Variants in CPEB2 observed in about 807,000 individuals in gnomAD.
CPEB2 encodes cytoplasmic polyadenylation element-binding protein 2.
A neutral mutation model predicts 93.6 loss-of-function variants in CPEB2; 56 were observed. The ratio of observed to expected loss-of-function variants is 0.60; its 90% confidence interval spans 0.48 to 0.75. CPEB2 has a LOEUF of 0.75. CPEB2 is among the 30% of genes least tolerant of loss of function. The probability of loss-of-function intolerance (pLI) is 0.00; values close to 1 mark genes in which losing one functional copy is unlikely to be tolerated. For missense variants in CPEB2, 1,579 were observed against 1,395.1 expected (o/e 1.13, Z -2.10); for synonymous variants, 764 against 586.3 (o/e 1.30, Z -4.38).
At chr4:15,055,345 G>T (rs931334308) in intron 8 of CPEB2, among the ~76,000 whole-genome samples, 2 of 152,140 alleles carry the variant, frequency 1.3e-5, no homozygotes, top group African/African-American at 4.8e-5. Context: ...TTCATTGGAG[G>T]TCACAAAACC....
chr4:15,025,384 T>C (rs193009391), intron 4 of CPEB2, among the ~76,000 whole-genome samples: 66 of 151,974 alleles, frequency 4.3e-4, no homozygotes, highest in African/African-American at 1.5e-3. Context: ...GTTTGTGTTC[T>C]CTTTTTTTCT....
intron 6 of CPEB2, among the ~76,000 whole-genome samples, chr4:15,051,704 A>G (rs1303335384): frequency 6.6e-6 from 1 of 152,198 alleles, no homozygotes; most frequent in Non-Finnish European, 1.5e-5. Context: ...TTATCTTTCT[A>G]AATGTACATT....
At chr4:15,006,736 A>C (rs562129114) in intron 1 of CPEB2, among the ~76,000 whole-genome samples, 1 of 152,244 alleles carries the variant, frequency 6.6e-6, no homozygotes, top group Non-Finnish European at 1.5e-5. Flanking sequence ...ACAGTTAAAT[A>C]AACAATGCAG....
chr4:15,058,171 T>G (rs1374003460), intron 8 of CPEB2, among the ~76,000 whole-genome samples: 1 of 152,226 alleles, frequency 6.6e-6, no homozygotes, highest in Non-Finnish European at 1.5e-5. Context: ...AATCAAATAC[T>G]AATGCATGTA....
Position 15,004,015 on chromosome 4 carries a change from G to C in CPEB2, c.1342G>C (p.Gly448Arg). 2 of 1,553,542 alleles carry C rather than the reference G, an allele frequency of 1.3e-6. No individual in the cohort carries two copies. Among genetic ancestry groups the C allele is most frequent in the Non-Finnish European group, 1.7e-6 (2 of 1,152,696 alleles). ...GCCGCCCAGCCCCGACTCAGAGAAC[G>C]GCTTCTACCCCGGGCTGCCGTCGTC... Reference protein sequence around the residue: ...MPPPSPDSENGFYPGLPSSMN... With the variant: ...MPPPSPDSENRFYPGLPSSMN... Residue 448 changes from glycine (G) to arginine (R), a missense_variant, in exon 1 of 12, where the codon GGC becomes CGC. Gly to Arg is a moderately radical substitution (Grantham distance 125). This residue lies in a region of CPEB2 where 1,411 missense variants were observed against 1,056.0 expected (regional missense o/e 1.34). Coordinates refer to ENST00000538197, the MANE Select transcript of CPEB2 (RefSeq NM_001177382.2).
At chr4:15,051,333 A>G (rs1319565893) in intron 6 of CPEB2, among the ~76,000 whole-genome samples, 1 of 152,138 alleles carries the variant, frequency 6.6e-6, no homozygotes, top group Admixed American at 6.6e-5. Flanking sequence ...TCTAGCCTCA[A>G]AGGGCTTTTC....
chr4:15,026,166 G>C (rs1406472258), intron 4 of CPEB2, among the ~76,000 whole-genome samples: 2 of 151,698 alleles, frequency 1.3e-5, no homozygotes, highest in East Asian at 3.9e-4. Context: ...GATTTATAGA[G>C]AATCAAGTTT....
Position 15,062,064 on chromosome 4 carries a change from C to G in CPEB2, c.2696-15C>G. On this transcript the variant is annotated splice_polypyrimidine_tract_variant and intron_variant, in intron 10 of 11. Transcript: ENST00000538197. ...GTTCTCTCACATTTGATGTAAACTT[C>G]TTTTCCTTTTCAAGTGGAACTTGCT... 6.3e-7 allele frequency: 1 copy of G among 1,580,464 alleles called. No homozygotes were observed. Among genetic ancestry groups the G allele is most frequent in the Non-Finnish European group, 8.6e-7 (1 of 1,160,724 alleles).
intron 5 of CPEB2, among the ~76,000 whole-genome samples, chr4:15,037,118 C>T (rs554860613): frequency 7.8e-4 from 118 of 152,018 alleles, no homozygotes; most frequent in Non-Finnish European, 1.4e-3. Flanking sequence ...CTGGCTAACA[C>T]GGTGAAACCC....
intron 6 of CPEB2, among the ~76,000 whole-genome samples, chr4:15,045,946 G>C (rs1347922025): frequency 6.6e-6 from 1 of 152,140 alleles, no homozygotes; most frequent in East Asian, 1.9e-4. Flanking sequence ...GTTTTTATCA[G>C]TTATTTCTTA....
intron 8 of CPEB2, among the ~76,000 whole-genome samples, chr4:15,054,652 C>T (rs572035913): frequency 6.6e-6 from 1 of 151,494 alleles, no homozygotes; most frequent in African/African-American, 2.4e-5. Flanking sequence ...GAGGAAGATG[C>T]TTAGTTATGT....
intron 5 of CPEB2, among the ~76,000 whole-genome samples, chr4:15,035,804 T>C (rs1726546298): frequency 6.6e-6 from 1 of 152,198 alleles, no homozygotes; most frequent in South Asian, 2.1e-4. Flanking sequence ...GTACCCAAGA[T>C]GATTTTGATG....
In CPEB2 at chr4:15,003,128, C is replaced by T. The variant is rs996382261; in HGVS notation, c.455C>T (p.Ala152Val). 7 of 1,532,912 alleles carry T rather than the reference C, an allele frequency of 4.6e-6. No homozygotes were observed. Among genetic ancestry groups the T allele is most frequent in the Non-Finnish European group, 6.1e-6 (7 of 1,145,752 alleles). The allele number at this position is 1,532,912 out of a possible 1,614,324, so 95.0% of individuals were successfully genotyped here. ...PSLHHPSSSS[A>V]SSCCCCRTSS... is the part of the protein sequence containing the mutation. Reference sequence around the variant, plus strand: ...CTGCACCACCCCTCCTCCTCCTCCGCCTCCTCCTGCTGCTGCTGCCGCACC... The same window carrying T: ...CTGCACCACCCCTCCTCCTCCTCCGTCTCCTCCTGCTGCTGCTGCCGCACC... Residue 152 changes from alanine (A) to valine (V), a missense_variant, in exon 1 of 12, where the codon GCC becomes GTC. By Grantham distance (64) the Ala-to-Val change is moderately conservative. Around this residue, in one of 2 missense-constraint regions of CPEB2, gnomAD observed 1,411 missense variants for 1,056.0 expected, o/e 1.34. Transcript: ENST00000538197.
chr4:15,022,085 T>G (rs1337227096), intron 4 of CPEB2, among the ~76,000 whole-genome samples: 1 of 152,162 alleles, frequency 6.6e-6, no homozygotes, highest in African/African-American at 2.4e-5. Context: ...ATTTAAGAAC[T>G]GTCGAGCCAG....
intron 4 of CPEB2, among the ~76,000 whole-genome samples, chr4:15,024,517 TA>T (rs1256986797): frequency 2.0e-5 from 3 of 152,290 alleles, no homozygotes; most frequent in South Asian, 2.1e-4. Flanking sequence ...TTTCTTACTT[TA>T]TTTTTTTGTT....
At position 15,062,185 on chromosome 4, in the gene CPEB2, C is replaced by T. The variant is rs979247055; in HGVS notation, c.2802C>T (p.Phe934=). 2.5e-6 allele frequency: 4 copies of T among 1,612,952 alleles called. No individual in the cohort carries two copies. In the South Asian group the frequency reaches 4.4e-5, roughly 18 times the overall value. ...CAAAAGGTGCTGGGCGAGTTGCTTT[C>T]TCCAATCAGCAGAGCTATATTGCTG... is the stretch of plus-strand genomic sequence containing the variant. ...KYPKGAGRVA[F]SNQQSYIAAI... is the part of the protein sequence containing the mutation. The change falls in exon 11 of 12, where the codon TTC becomes TTT. Residue 934 remains phenylalanine (F), a synonymous_variant. Coordinates refer to ENST00000538197, the MANE Select transcript of CPEB2 (RefSeq NM_001177382.2).
intron 6 of CPEB2, among the ~76,000 whole-genome samples, chr4:15,048,350 TTC>T (rs1344702774): frequency 6.6e-6 from 1 of 152,106 alleles, no homozygotes; most frequent in Admixed American, 6.5e-5. Context: ...GCCTGGATTT[TTC>T]TCTGTCGGAA....
At chr4:15,051,257 G>A (rs1488529012) in intron 6 of CPEB2, among the ~76,000 whole-genome samples, 2 of 152,056 alleles carry the variant, frequency 1.3e-5, no homozygotes, top group Non-Finnish European at 1.5e-5. Flanking sequence ...TTGAATCCCT[G>A]TATCTAGTTT....
In CPEB2 at chr4:15,002,990, C is replaced by T. The variant is rs1304585548; in HGVS notation, c.317C>T (p.Ala106Val). The T allele has an allele frequency of 3.3e-6, 5 of 1,501,420 alleles. No homozygotes were observed. The highest frequency in any genetic ancestry group is 2.5e-5 in the East Asian group (1 of 40,386). The allele number at this position is 1,501,420 out of a possible 1,614,324, so 93.0% of individuals were successfully genotyped here. Residue 106 changes from alanine (A) to valine (V), a missense_variant, in exon 1 of 12, where the codon GCG (alanine) becomes GTG (valine). Around this residue, in one of 2 missense-constraint regions of CPEB2, gnomAD observed 1,411 missense variants for 1,056.0 expected, o/e 1.34. Transcript: ENST00000538197. ...CTTCTGGGGCTGACACAGCAGCCGG[C>T]GCGGCCGCTTTCGGGGGCGGCGGCC... Reference protein sequence around the residue: ...ELLLGLTQQPARPLSGAAATE... With the variant: ...ELLLGLTQQPVRPLSGAAATE...
Sources: gnomAD v4.1 joint callset for allele counts (sites outside exome capture counted in the v4.1 genomes callset) on GRCh38, gnomAD v4.1.1 for gene constraint, gnomAD v4.1.1 regional missense constraint, MANE v1.5 for transcripts, NCBI Gene and HGNC (gene_info 2026-07-23, HGNC 2026-07-21) for gene names.